CDYL2: variants seen among roughly 807,000 people sequenced by gnomAD.
CDYL2 encodes the protein chromodomain Y-like protein 2.
A neutral mutation model predicts 49.4 loss-of-function variants in CDYL2; 23 were observed. That is an observed-to-expected ratio of 0.47 (90% CI 0.34 to 0.66). CDYL2 has a LOEUF of 0.66. Among genes scored for constraint, CDYL2 ranks in the 30% least tolerant of loss-of-function variants. The pLI is 0.01. For missense variants in CDYL2, 678 were observed against 656.4 expected, an observed-to-expected ratio of 1.03 and a Z score of -0.36; for synonymous variants, 360 against 268.8, an observed-to-expected ratio of 1.34 and a Z score of -3.32.
intron 1 of CDYL2, among the ~76,000 whole-genome samples, chr16:80,741,259 G>A (rs1300515645): frequency 6.6e-6 from 1 of 151,044 alleles, no homozygotes; most frequent in East Asian, 1.9e-4. Context: ...GTGGGATTGG[G>A]ACAACTGGTT....
chr16:80,608,370 G>C, intron 5 of CDYL2, 135 bp from the exon 6 acceptor site: 1 of 979,920 alleles, frequency 1.0e-6, no homozygotes, highest in South Asian at 1.8e-5. Context: ...TCTTATTTTG[G>C]GGTCAGATAA....
At chr16:80,621,052 C>T in intron 3 of CDYL2, 117 bp from the exon 4 acceptor site, 1 of 1,190,520 alleles carries the variant, frequency 8.4e-7, no homozygotes, top group Non-Finnish European at 1.1e-6. Flanking sequence ...AGGGAATCTG[C>T]TTCTGCCTGT....
At chr16:80,757,921 T>C (rs886760267) in intron 1 of CDYL2, among the ~76,000 whole-genome samples, 1 of 152,128 alleles carries the variant, frequency 6.6e-6, no homozygotes, top group African/African-American at 2.4e-5. Flanking sequence ...TACTTAAAAA[T>C]TGACTCCATA....
At chr16:80,696,641 C>A (rs540149601) in intron 1 of CDYL2, among the ~76,000 whole-genome samples, 1 of 151,248 alleles carries the variant, frequency 6.6e-6, no homozygotes, top group Non-Finnish European at 1.5e-5. Context: ...TACAACCTAC[C>A]AAGATTAAAC....
chr16:80,765,302 A>T (rs1306661909), intron 1 of CDYL2, among the ~76,000 whole-genome samples: 1 of 151,634 alleles, frequency 6.6e-6, no homozygotes, highest in Non-Finnish European at 1.5e-5. Context: ...CAATCTCTGG[A>T]TGACAGAACA....
At chr16:80,719,507 C>A (rs146577729) in intron 1 of CDYL2, among the ~76,000 whole-genome samples, 62 of 152,270 alleles carry the variant, frequency 4.1e-4, no homozygotes, top group African/African-American at 1.4e-3. Context: ...TAACAAGACC[C>A]CTCGTCATTT....
At chr16:80,634,250 T>C (rs1013254102) in intron 2 of CDYL2, among the ~76,000 whole-genome samples, 2 of 152,162 alleles carry the variant, frequency 1.3e-5, no homozygotes, top group Non-Finnish European at 2.9e-5. Context: ...AGAACCCAAA[T>C]GTCCATCAGT....
chr16:80,792,976 T>C (rs148123457), intron 1 of CDYL2, among the ~76,000 whole-genome samples: 6 of 152,274 alleles, frequency 3.9e-5, no homozygotes, highest in Admixed American at 6.5e-5. Flanking sequence ...GAGCTGCCCA[T>C]AGAATCAGCT....
At chr16:80,621,896 G>A (rs945722218) in intron 3 of CDYL2, among the ~76,000 whole-genome samples, 1 of 152,158 alleles carries the variant, frequency 6.6e-6, no homozygotes, top group East Asian at 1.9e-4. Context: ...TAAGTGGTAA[G>A]ACCAACAAGT....
At chr16:80,684,145 G>A (rs931994823) in intron 2 of CDYL2, among the ~76,000 whole-genome samples, 3 of 152,186 alleles carry the variant, frequency 2.0e-5, no homozygotes, top group Non-Finnish European at 4.4e-5. Context: ...TGCAAGCAAG[G>A]GCTCTGCACT....
rs943921065 is a variant in CDYL2 at position 80,601,609 on chromosome 16, G to A, written c.*2779C>T. The A allele has an allele frequency of 6.6e-6, 1 of 152,116 alleles. No individual in the cohort carries two copies. Among genetic ancestry groups the A allele is most frequent in the South Asian group, 2.1e-4 (1 of 4,818 alleles). 9.4% of individuals were successfully genotyped at this position (152,116 alleles called of 1,614,324 possible). A position where few individuals can be genotyped will look rare whatever the true frequency, so the allele number is the denominator to read the frequency against. ...TAGGATAAACCCTGACACAACCAGAGGTCTGGTATTTTCCATCCCAAATCT... is the reference window on the plus strand; with the variant it reads ...TAGGATAAACCCTGACACAACCAGAAGTCTGGTATTTTCCATCCCAAATCT... On this transcript the variant is annotated 3_prime_UTR_variant, in exon 7 of 7. Transcript: ENST00000570137.
intron 1 of CDYL2, chr16:80,738,876 T>A (rs1298623618): frequency 6.6e-6 from 1 of 152,220 alleles, no homozygotes; most frequent in Non-Finnish European, 1.5e-5. Flanking sequence ...TAGTGGCAAA[T>A]TTCTAATTCT....
At chr16:80,757,292 A>G (rs188019710) in intron 1 of CDYL2, among the ~76,000 whole-genome samples, 4 of 152,210 alleles carry the variant, frequency 2.6e-5, no homozygotes, top group African/African-American at 9.6e-5. Context: ...AGCAAAAAAT[A>G]TATTTGGGAG....
At chr16:80,799,364 T>C (rs2142424270) in intron 1 of CDYL2, among the ~76,000 whole-genome samples, 1 of 152,296 alleles carries the variant, frequency 6.6e-6, no homozygotes, top group Admixed American at 6.5e-5. Flanking sequence ...TTCCCCACTG[T>C]ACCGTAAAAT....
chr16:80,710,596 G>GA (rs1904562337), intron 1 of CDYL2, among the ~76,000 whole-genome samples: 1 of 152,170 alleles, frequency 6.6e-6, no homozygotes, highest in Non-Finnish European at 1.5e-5. Context: ...TCAGTGAATA[G>GA]AAAATAAAAA....
chr16:80,728,346 A>G (rs1905229835), intron 1 of CDYL2, among the ~76,000 whole-genome samples: 1 of 152,176 alleles, frequency 6.6e-6, no homozygotes, highest in Admixed American at 6.5e-5. Context: ...AAAGGGTATC[A>G]GTGATGGAAG....
At chr16:80,700,578 C>T (rs1038310514) in intron 1 of CDYL2, among the ~76,000 whole-genome samples, 1 of 152,150 alleles carries the variant, frequency 6.6e-6, no homozygotes, top group Non-Finnish European at 1.5e-5. Context: ...AAGCTCATCA[C>T]TAATCAGGGA....
chr16:80,660,998 G>C (rs970881786), intron 2 of CDYL2, among the ~76,000 whole-genome samples: 5 of 152,144 alleles, frequency 3.3e-5, no homozygotes, highest in East Asian at 1.9e-4. Flanking sequence ...GCTGGGGTTG[G>C]GGTGAGGCCA....
intron 2 of CDYL2, among the ~76,000 whole-genome samples, chr16:80,655,240 CAG>C (rs1908755013): frequency 6.6e-6 from 1 of 152,216 alleles, no homozygotes; most frequent in Admixed American, 6.5e-5. Context: ...CTGGAAGTCA[CAG>C]AGATTGTAAA....
Sources: allele counts gnomAD v4.1 joint callset (sites outside exome capture counted in the v4.1 genomes callset), GRCh38; gene constraint gnomAD v4.1.1; transcripts MANE v1.5; gene names NCBI Gene and HGNC (gene_info 2026-07-23, HGNC 2026-07-21).